The following FILIP1 variants were observed in gnomAD, a reference collection of about 807,000 sequenced individuals.
FILIP1 encodes the protein filamin-A-interacting protein 1.
In FILIP1, 61 loss-of-function variants were observed where a neutral mutation model predicts 102.1. That is an observed-to-expected ratio of 0.60 (90% CI 0.49 to 0.74). FILIP1 has a LOEUF of 0.74. FILIP1 is among the 30% of genes least tolerant of loss of function. The pLI is 0.00. For synonymous variants in FILIP1, 491 were observed against 526.9 expected (o/e 0.93, Z 0.93); for missense variants, 1,314 against 1,441.2 (o/e 0.91, Z 1.43).
At chr6:75,349,208 T>G (rs1774700091) in intron 4 of FILIP1, among the ~76,000 whole-genome samples, 1 of 152,344 alleles carries the variant, frequency 6.6e-6, no homozygotes, top group Middle Eastern at 3.4e-3. Context: ...CAACAGCTAC[T>G]ACTGATCCTG....
At chr6:75,439,145 T>C (rs1352409873) in intron 1 of FILIP1, among the ~76,000 whole-genome samples, 2 of 152,134 alleles carry the variant, frequency 1.3e-5, no homozygotes, top group Non-Finnish European at 2.9e-5. Context: ...TCTAAGCTAC[T>C]AAAAGTTGTG....
rs199738513 is a variant in FILIP1, at chr6:75,312,659, T to C, written c.3173A>G (p.Asn1058Ser). The change falls in exon 5 of 6, where the codon AAT becomes AGT. Residue 1058 changes from asparagine (N) to serine (S), a missense_variant. Coordinates refer to ENST00000237172, the MANE Select transcript of FILIP1 (RefSeq NM_015687.5). ...TTTATTGTCCTCTGTGGTTATGATA[T>C]TGGCATTGGAGTTGTATTTCCGTAC... ...TPVRKYNSNANIITTEDNKIH... is the reference protein window; with the variant it reads ...TPVRKYNSNASIITTEDNKIH... The C allele has an allele frequency of 9.3e-6, 15 of 1,614,108 alleles. No individual in the cohort carries two copies. The highest frequency in any genetic ancestry group is 1.2e-5 in the Non-Finnish European group (14 of 1,180,050).
At chr6:75,406,512 C>T (rs1023564329) in intron 2 of FILIP1, among the ~76,000 whole-genome samples, 1 of 152,064 alleles carries the variant, frequency 6.6e-6, no homozygotes, top group Non-Finnish European at 1.5e-5. Flanking sequence ...CTCATCTATT[C>T]ATCTATCCTA....
intron 3 of FILIP1, among the ~76,000 whole-genome samples, chr6:75,354,586 A>C (rs542472805): frequency 1.0e-3 from 152 of 152,214 alleles, no homozygotes; most frequent in African/African-American, 3.5e-3. Flanking sequence ...AAAAAAAAAA[A>C]AAAACCTTTT....
At chr6:75,472,863 A>T (rs942573943) in intron 1 of FILIP1, among the ~76,000 whole-genome samples, 4 of 152,222 alleles carry the variant, frequency 2.6e-5, no homozygotes, top group African/African-American at 4.8e-5. Flanking sequence ...GACATAATGT[A>T]AAGTATGTCC....
chr6:75,295,633 A>G (rs1772648200), exon 7 of FILIP1: 1 of 279,356 alleles, frequency 3.6e-6, no homozygotes, highest in East Asian at 5.9e-5. Flanking sequence ...ATTATAAAAT[A>G]TAAGTTATAC....
At chr6:75,321,846 A>T (rs1274182463) in intron 4 of FILIP1, among the ~76,000 whole-genome samples, 2 of 152,178 alleles carry the variant, frequency 1.3e-5, no homozygotes, top group Admixed American at 6.5e-5. Flanking sequence ...AGTAGAACAT[A>T]TCTAAAGAGA....
At chr6:75,474,487 G>A (rs912721168) in intron 1 of FILIP1, among the ~76,000 whole-genome samples, 8 of 152,122 alleles carry the variant, frequency 5.3e-5, no homozygotes, top group African/African-American at 9.7e-5. Context: ...TGTCAGACCC[G>A]ACAATGGGTC....
chr6:75,465,331 A>G (rs2149756126), intron 1 of FILIP1: 1 of 402,866 alleles, frequency 2.5e-6, no homozygotes, highest in Non-Finnish European at 4.5e-6. Context: ...GCCTTAAAAT[A>G]AAATGTGGAC....
intron 3 of FILIP1, among the ~76,000 whole-genome samples, chr6:75,358,847 C>T (rs981681596): frequency 3.3e-5 from 5 of 151,124 alleles, no homozygotes; most frequent in Non-Finnish European, 7.4e-5. Context: ...CTCAGCCTCC[C>T]GAGTAGCTGG....
intron 1 of FILIP1, among the ~76,000 whole-genome samples, chr6:75,492,984 G>A (rs552005113): frequency 6.6e-5 from 10 of 152,270 alleles, no homozygotes; most frequent in Admixed American, 4.6e-4. Context: ...AACACCATGC[G>A]GGACTTTCCT....
intron 1 of FILIP1, among the ~76,000 whole-genome samples, chr6:75,437,207 G>T (rs1778056120): frequency 6.6e-6 from 1 of 152,190 alleles, no homozygotes; most frequent in Admixed American, 6.5e-5. Flanking sequence ...ATTATGGCTG[G>T]TTCAAAGCAG....
At chr6:75,402,828 A>G (rs907785393) in intron 2 of FILIP1, among the ~76,000 whole-genome samples, 8 of 152,202 alleles carry the variant, frequency 5.3e-5, no homozygotes, top group African/African-American at 1.9e-4. Flanking sequence ...TTAACATTAT[A>G]TATTATGATA....
intron 4 of FILIP1, among the ~76,000 whole-genome samples, chr6:75,351,856 A>G (rs375979498): frequency 6.6e-6 from 1 of 152,198 alleles, no homozygotes; most frequent in Non-Finnish European, 1.5e-5. Context: ...CTGTAGCTTG[A>G]GGTTGGAAAG....
chr6:75,483,133 G>A (rs1779690391), intron 1 of FILIP1, among the ~76,000 whole-genome samples: 1 of 152,032 alleles, frequency 6.6e-6, no homozygotes, highest in African/African-American at 2.4e-5. Context: ...TAGGTGTGAA[G>A]AAGCCTGTTC....
intron 1 of FILIP1, chr6:75,453,905 G>C (rs142480007): frequency 4.4e-6 from 2 of 455,342 alleles, no homozygotes; most frequent in Admixed American, 2.4e-5. Context: ...TCATAACAAT[G>C]ATGGTGCCAC....
chr6:75,437,536 C>T (rs1778066040), intron 1 of FILIP1, among the ~76,000 whole-genome samples: 1 of 152,172 alleles, frequency 6.6e-6, no homozygotes, highest in Non-Finnish European at 1.5e-5. Flanking sequence ...GTAACAGTTG[C>T]TGATGTGTTG....
intron 1 of FILIP1, among the ~76,000 whole-genome samples, chr6:75,476,722 G>A (rs1405763449): frequency 2.0e-5 from 3 of 152,100 alleles, no homozygotes. Context: ...AGTATATTGA[G>A]CACCCTTTAC....
chr6:75,421,093 A>T (rs58552491), intron 1 of FILIP1, among the ~76,000 whole-genome samples: 3,143 of 152,302 alleles, frequency 0.021, 114 homozygotes, highest in African/African-American at 0.073. Flanking sequence ...TAAAATTTTC[A>T]TGATAGTAAC....
Sources: allele counts gnomAD v4.1 joint callset (sites outside exome capture counted in the v4.1 genomes callset), GRCh38; gene constraint gnomAD v4.1.1; transcripts MANE v1.5; gene names NCBI Gene and HGNC (gene_info 2026-07-23, HGNC 2026-07-21).